Variants in CIT observed in about 807,000 individuals in gnomAD.
CIT encodes citron Rho-interacting kinase.
CIT carries 79 observed loss-of-function variants against 272.7 expected under a neutral mutation model. The observed-to-expected ratio is 0.29, with a 90% CI of 0.24 to 0.35. The LOEUF (loss-of-function observed/expected upper bound fraction) is 0.35. CIT is among the 10% of genes least tolerant of loss of function. The pLI is 1.00. For missense variants in CIT, 1,909 were observed against 2,618.3 expected (o/e 0.73, Z 5.91); for synonymous variants, 948 against 995.6 (o/e 0.95, Z 0.90).
At chr12:119,835,341 G>A (rs1318730061) in intron 5 of CIT, among the ~76,000 whole-genome samples, 1 of 152,152 alleles carries the variant, frequency 6.6e-6, no homozygotes, top group African/African-American at 2.4e-5. Context: ...CAAGGTCCTA[G>A]GAGGGCCTGG....
At position 119,718,357 on chromosome 12, in the gene CIT, C is replaced by T. The variant is rs140364771; in HGVS notation, c.4056G>A (p.Ala1352=). The change falls in exon 32 of 48, where the codon GCG becomes GCA. Residue 1352 remains alanine, a synonymous_variant. Transcript: ENST00000392521. This position sits in a 1 kb window ranked among gnomAD's most constrained non-coding sequence, Gnocchi z 4.8. ...DHPHPSTPAT[A]RQQIAMSAIV... is the part of the protein sequence containing the mutation. ...TGGCGGACATGGCGATCTGCTGCCT[C>T]GCGGTGGCTGGCGTGGATGGGTGTG... is the stretch of plus-strand genomic sequence containing the variant. 3.7e-4 allele frequency: 603 copies of T among 1,614,008 alleles called. 1 individual carries two copies. In the Middle Eastern group the frequency reaches 8.4e-3, roughly 23 times the overall value.
At chr12:119,801,495 C>G (rs955781026) in intron 10 of CIT, among the ~76,000 whole-genome samples, 1 of 152,150 alleles carries the variant, frequency 6.6e-6, no homozygotes, top group African/African-American at 2.4e-5. Context: ...AAATCTAACT[C>G]CCTCGAATCC....
chr12:119,710,576 A>T lies in CIT; in HGVS notation c.4899T>A (p.Arg1633=). The T allele has an allele frequency of 6.2e-7, 1 of 1,614,214 alleles. No individual in the cohort carries two copies. Among genetic ancestry groups the T allele is most frequent in the Non-Finnish European group, 8.5e-7 (1 of 1,180,036 alleles). The change falls in exon 38 of 48, where the codon CGT becomes CGA. Residue 1633 remains arginine (R), a synonymous_variant. Transcript: ENST00000392521. This position sits in a 1 kb window ranked among gnomAD's most constrained non-coding sequence, Gnocchi z 5.6. ...NSLLKLEGDD[R]LDMNCTLPFS... is the part of the protein sequence containing the mutation. ...AGGGCAGCGTGCAGTTCATGTCTAG[A>T]CGGTCATCACCTTCCAGTTTCAGCA...
Position 119,825,220 on chromosome 12 carries a change from G to T in CIT, c.902C>A (p.Ser301Tyr). The T allele has an allele frequency of 6.2e-7, 1 of 1,614,034 alleles. No homozygotes were observed. Among genetic ancestry groups the T allele is most frequent in the Non-Finnish European group, 8.5e-7 (1 of 1,180,010 alleles). Reference protein sequence around the residue: ...VIAYEMIYGRSPFAEGTSART... With the variant: ...VIAYEMIYGRYPFAEGTSART... ...GGCAGAGGTTCCCTCTGCGAAGGGG[G>T]ATCTCCCATAAATCATCTCATAGGC... Residue 301 changes from serine to tyrosine, a missense_variant, in exon 8 of 48, where the codon TCC becomes TAC. Transcript: ENST00000392521.
At chr12:119,805,056 T>G (rs905129941) in intron 9 of CIT, among the ~76,000 whole-genome samples, 1 of 143,014 alleles carries the variant, frequency 7.0e-6, no homozygotes, top group African/African-American at 2.7e-5. Context: ...GTTTCAATTA[T>G]CCGGTACCTT....
Position 119,770,888 on chromosome 12 carries a change from T to C in CIT, c.2105A>G (p.Asn702Ser), listed in dbSNP as rs1963061676. ...CATGGTCTCTAGTCTCTTTACCTTG[T>C]TCTCCAGAGAATGGCGGCGTTCCTG... ...EAEERRHSLE[N>S]KVKRLETMER... is the part of the protein sequence containing the mutation. The change falls in exon 18 of 48, where the codon AAC (asparagine) becomes AGC (serine). Residue 702 changes from asparagine (N) to serine (S), a missense_variant. This residue lies in a region of CIT where 530 missense variants were observed against 822.4 expected (regional missense o/e 0.64). Transcript: ENST00000392521. This position sits in a 1 kb window ranked among gnomAD's most constrained non-coding sequence, Gnocchi z 4.4. 3.7e-6 allele frequency: 6 copies of C among 1,612,872 alleles called. No homozygotes were observed. Among genetic ancestry groups the C allele is most frequent in the Non-Finnish European group, 5.1e-6 (6 of 1,179,872 alleles).
chr12:119,735,978 T>C (rs1443953174), intron 24 of CIT, among the ~76,000 whole-genome samples: 1 of 152,244 alleles, frequency 6.6e-6, no homozygotes, highest in Non-Finnish European at 1.5e-5. Context: ...TACTATACAG[T>C]TGGCTATCAG....
At chr12:119,722,980 A>G (rs1957881865) in intron 28 of CIT, among the ~76,000 whole-genome samples, 1 of 152,120 alleles carries the variant, frequency 6.6e-6, no homozygotes, top group African/African-American at 2.4e-5. Context: ...GCTTGAGCCC[A>G]TGAGTTCGAA....
Position 119,784,683 on chromosome 12 carries a change from C to T in CIT, c.1401+277G>A. On this transcript the variant is annotated intron_variant, in intron 11 of 47. Transcript: ENST00000392521. This position sits in a 1 kb window ranked among gnomAD's most constrained non-coding sequence, Gnocchi z 4.7. The stretch of plus-strand genomic sequence containing the variant: ...CACAGGTGAGGACCCAGGCCACCTG[C>T]CGGAAGAAGCAGACATCTGGCTGGG... 3.1e-6 allele frequency: 4 copies of T among 1,295,292 alleles called. No homozygotes were observed. The highest frequency in any genetic ancestry group is 3.9e-6 in the Non-Finnish European group (4 of 1,019,870). The allele number at this position is 1,295,292 out of a possible 1,614,324, so 80.2% of individuals were successfully genotyped here.
In CIT at chr12:119,712,341, G is replaced by C; in HGVS notation, c.4691C>G (p.Pro1564Arg). The C allele has an allele frequency of 6.2e-7, 1 of 1,610,196 alleles. No homozygotes were observed. Among genetic ancestry groups the C allele is most frequent in the South Asian group, 1.1e-5 (1 of 90,516 alleles). The change falls in exon 37 of 48, where the codon CCA becomes CGA. Residue 1564 changes from proline (P) to arginine (R), a missense_variant. Around this residue, in one of 8 missense-constraint regions of CIT, gnomAD observed 780 missense variants for 1,067.2 expected, o/e 0.73. Transcript: ENST00000392521. The surrounding 1 kb of genome is among the most constrained non-coding windows in gnomAD (Gnocchi z 5.2). The stretch of plus-strand genomic sequence containing the variant: ...GTGAGATTCCATCTTCAGTATGTAT[G>C]GGACATCTAGGAGATTTCAGAGAGC... ...ELANTAKADV[P>R]YILKMESHPH... is the part of the protein sequence containing the mutation.
intron 2 of CIT, among the ~76,000 whole-genome samples, chr12:119,872,351 T>C (rs1407653469): frequency 6.6e-6 from 1 of 152,124 alleles, no homozygotes; most frequent in Non-Finnish European, 1.5e-5. Flanking sequence ...GGAAATCCTG[T>C]TGAGTAGAAG....
chr12:119,762,516 C>A (rs1359804317), intron 19 of CIT, among the ~76,000 whole-genome samples: 1 of 152,204 alleles, frequency 6.6e-6, no homozygotes, highest in African/African-American at 2.4e-5. Flanking sequence ...AAAGACAGAT[C>A]TTTCCCTGAC....
rs373351610 is a variant in CIT at position 119,690,485 on chromosome 12, C to T, written c.5883-31G>A. The T allele has an allele frequency of 4.6e-6, 7 of 1,536,672 alleles. No homozygotes were observed. The African/African-American group carries it at 6.9e-5, about 15-fold the overall frequency. On this transcript the variant is annotated intron_variant, in intron 46 of 47. Transcript: ENST00000392521. The surrounding 1 kb of genome is among the most constrained non-coding windows in gnomAD (Gnocchi z 6.0). Reference sequence around the variant, plus strand: ...GACACAAGAGGAACGTAGGGAGCTGCGAGGCCACAACCCCAGAGGGGCATT... The same window carrying T: ...GACACAAGAGGAACGTAGGGAGCTGTGAGGCCACAACCCCAGAGGGGCATT...
chr12:119,754,776 G>A (rs542738941), intron 22 of CIT, among the ~76,000 whole-genome samples: 6 of 152,202 alleles, frequency 3.9e-5, no homozygotes, highest in East Asian at 1.9e-4. Flanking sequence ...CTCGTGAAAC[G>A]TTTGAAGTTT....
chr12:119,712,547 G>T lies in CIT; in HGVS notation c.4684+44C>A. On this transcript the variant is annotated intron_variant, in intron 36 of 47. Transcript: ENST00000392521. This position sits in a 1 kb window ranked among gnomAD's most constrained non-coding sequence, Gnocchi z 5.2. ...CCTTCTGTCCCTGCTGATTGGCCAA[G>T]CCCGGCCCACCTCCAGGGCGGGGCT... 6.3e-7 allele frequency: 1 copy of T among 1,579,946 alleles called. No individual in the cohort carries two copies. Among genetic ancestry groups the T allele is most frequent in the Non-Finnish European group, 8.7e-7 (1 of 1,149,662 alleles).
intron 32 of CIT, among the ~76,000 whole-genome samples, chr12:119,714,863 AC>A (rs1201435813): frequency 6.6e-6 from 1 of 152,254 alleles, no homozygotes; most frequent in African/African-American, 2.4e-5. Flanking sequence ...ATATGTACCC[AC>A]AAAAATCTGT....
chr12:119,800,599 G>A (rs958856426), intron 10 of CIT, among the ~76,000 whole-genome samples: 2 of 152,170 alleles, frequency 1.3e-5, no homozygotes, highest in Non-Finnish European at 2.9e-5. Flanking sequence ...ACCTAGCACA[G>A]TACAGCAGCA....
chr12:119,813,034 G>T (rs902649273), intron 9 of CIT, among the ~76,000 whole-genome samples: 1 of 152,172 alleles, frequency 6.6e-6, no homozygotes, highest in African/African-American at 2.4e-5. Flanking sequence ...CAGGCCCCCT[G>T]TTGTGGCAAG....
At chr12:119,792,818 C>G (rs1238222571) in intron 10 of CIT, among the ~76,000 whole-genome samples, 1 of 151,550 alleles carries the variant, frequency 6.6e-6, no homozygotes, top group Non-Finnish European at 1.5e-5. Context: ...CAATGGTGGC[C>G]GGGTGTGGTG....
Sources: allele counts gnomAD v4.1 joint callset (sites outside exome capture counted in the v4.1 genomes callset), GRCh38; gene constraint gnomAD v4.1.1; regional missense constraint gnomAD v4.1.1; non-coding constraint Gnocchi (gnomAD v3.1); transcripts MANE v1.5; gene names NCBI Gene and HGNC (gene_info 2026-07-23, HGNC 2026-07-21).